Variants in GLRX3 observed in about 807,000 individuals in gnomAD.
GLRX3 encodes glutaredoxin-3.
GLRX3 carries 22 observed loss-of-function variants against 49.5 expected under a neutral mutation model. The ratio of observed to expected loss-of-function variants is 0.44; its 90% confidence interval spans 0.32 to 0.63. The LOEUF is 0.63. Among genes scored for constraint, GLRX3 ranks in the 30% least tolerant of loss-of-function variants. GLRX3 has a pLI of 0.05. For synonymous variants in GLRX3, 133 were observed against 140.0 expected (o/e 0.95, Z 0.35); for missense variants, 385 against 396.3 (o/e 0.97, Z 0.24).
chr10:130,137,824 T>C (rs1862092183), intron 1 of GLRX3, among the ~76,000 whole-genome samples: 1 of 152,014 alleles, frequency 6.6e-6, no homozygotes, highest in Non-Finnish European at 1.5e-5. Flanking sequence ...AGCCTCCGCC[T>C]CCCAGGCTCA....
At chr10:130,169,042 C>T (rs182069579) in intron 6 of GLRX3, among the ~76,000 whole-genome samples, 8 of 152,258 alleles carry the variant, frequency 5.3e-5, no homozygotes, top group Admixed American at 5.2e-4. Flanking sequence ...GAGCTTTACA[C>T]GTGTACAGTG....
In GLRX3 at chr10:130,169,513, T is replaced by C. The variant is rs1277268247; in HGVS notation, c.771+23T>C. The C allele has an allele frequency of 5.4e-6, 8 of 1,482,242 alleles. No homozygotes were observed. In the Admixed American group the frequency reaches 1.2e-4, roughly 22 times the overall value. 91.8% of individuals were successfully genotyped at this position (1,482,242 alleles called of 1,614,324 possible). A position where few individuals can be genotyped will look rare whatever the true frequency, so the allele number is the denominator to read the frequency against. On this transcript the variant is annotated intron_variant, in intron 7 of 10. Transcript: ENST00000331244. The stretch of plus-strand genomic sequence containing the variant: ...CAGGTAAAGAACTCAAAAATGGTTT[T>C]ATTTGTAATTTCTTTTGATGTTAAC...
At chr10:130,167,289 A>G (rs1336089098) in intron 6 of GLRX3, among the ~76,000 whole-genome samples, 1 of 152,168 alleles carries the variant, frequency 6.6e-6, no homozygotes, top group Non-Finnish European at 1.5e-5. Context: ...TTGTTTTGTC[A>G]CTGCTCCTTG....
intron 1 of GLRX3, among the ~76,000 whole-genome samples, chr10:130,141,741 T>C (rs1301710705): frequency 6.6e-6 from 1 of 152,208 alleles, no homozygotes; most frequent in Non-Finnish European, 1.5e-5. Flanking sequence ...TTTTGATTTA[T>C]TATGTATAGG....
chr10:130,160,769 T>C, intron 3 of GLRX3, 27 bp from the exon 4 acceptor site: 1 of 1,187,036 alleles, frequency 8.4e-7, no homozygotes, highest in Non-Finnish European at 1.3e-6. Flanking sequence ...ATGCTGCATG[T>C]ATTCTAAATA....
intron 2 of GLRX3, among the ~76,000 whole-genome samples, chr10:130,157,854 A>C (rs1862506463): frequency 6.6e-6 from 1 of 152,206 alleles, no homozygotes; most frequent in Non-Finnish European, 1.5e-5. Context: ...TTCTGAATGC[A>C]GATCCTTTAA....
At chr10:130,143,858 C>T (rs745691717) in intron 1 of GLRX3, among the ~76,000 whole-genome samples, 7 of 152,000 alleles carry the variant, frequency 4.6e-5, no homozygotes, top group African/African-American at 7.2e-5. Flanking sequence ...CCAACACACC[C>T]GGCTAATTTT....
chr10:130,159,324 A>G (rs1013128944), intron 2 of GLRX3, among the ~76,000 whole-genome samples: 1 of 152,230 alleles, frequency 6.6e-6, no homozygotes, highest in African/African-American at 2.4e-5. Context: ...AAATTCATGC[A>G]TCAGATATCA....
intron 2 of GLRX3, among the ~76,000 whole-genome samples, chr10:130,146,830 A>C (rs183250743): frequency 6.6e-6 from 1 of 152,392 alleles, no homozygotes; most frequent in Admixed American, 6.5e-5. Flanking sequence ...CTGAAAACAC[A>C]GAATTTTGAC....
At chr10:130,145,109 C>A in intron 1 of GLRX3, 102 bp from the exon 2 acceptor site, 1 of 522,766 alleles carries the variant, frequency 1.9e-6, no homozygotes. Flanking sequence ...TCAGACGGTT[C>A]TTTTAAAGCT....
downstream of GLRX3, chr10:130,179,813 C>T (rs1862991492): frequency 4.5e-5 from 8 of 176,598 alleles, no homozygotes; most frequent in Admixed American, 5.2e-4. Flanking sequence ...GCTCCCCTCG[C>T]TGGTGAAAGA....
intron 2 of GLRX3, among the ~76,000 whole-genome samples, chr10:130,157,778 C>T (rs759874837): frequency 2.6e-5 from 4 of 152,110 alleles, no homozygotes; most frequent in Non-Finnish European, 5.9e-5. Flanking sequence ...TTAAGGCCTT[C>T]TCATGGTTTA....
chr10:130,178,311 A>G (rs77165356), intron 10 of GLRX3, among the ~76,000 whole-genome samples: 2,784 of 151,698 alleles, frequency 0.018, 62 homozygotes, highest in East Asian at 0.1. Context: ...GCAGTGGTGC[A>G]ATCTTGGCTC....
chr10:130,172,203 A>G (rs1452555184), intron 8 of GLRX3, among the ~76,000 whole-genome samples: 1 of 152,206 alleles, frequency 6.6e-6, no homozygotes, highest in African/African-American at 2.4e-5. Context: ...GAAAATGTAT[A>G]ACTGAGTCCT....
rs144018843 is a variant in GLRX3, at chr10:130,148,361, G to T, written c.201+3042G>T. ...GCTCAGGCTGGTCTTGAACTCATGG[G>T]CTCAAGCAGTCTGCCTACCTTGGCC... On this transcript the variant is annotated intron_variant, in intron 2 of 10. Coordinates refer to ENST00000331244, the MANE Select transcript of GLRX3 (RefSeq NM_006541.5). Among the ~76,000 whole-genome samples the T allele has an allele frequency of 5.5e-3, 829 of 150,338 alleles. 9 individuals carry two copies. Among genetic ancestry groups the T allele is most frequent in the African/African-American group, 0.019 (772 of 40,856 alleles).
chr10:130,136,670 G>A (rs923895452), intron 1 of GLRX3, among the ~76,000 whole-genome samples, 158 bp downstream of exon 1: 2 of 152,152 alleles, frequency 1.3e-5, no homozygotes, highest in Admixed American at 6.5e-5. Flanking sequence ...AGACTCCCCC[G>A]AGCCTCCGCG....
intron 2 of GLRX3, among the ~76,000 whole-genome samples, chr10:130,158,301 C>T (rs1299394507): frequency 6.6e-6 from 1 of 152,014 alleles, no homozygotes; most frequent in Non-Finnish European, 1.5e-5. Flanking sequence ...CAACCTCTGC[C>T]TCCCGGGTTC....
At chr10:130,146,171 G>T (rs1862267182) in intron 2 of GLRX3, among the ~76,000 whole-genome samples, 1 of 152,204 alleles carries the variant, frequency 6.6e-6, no homozygotes, top group Non-Finnish European at 1.5e-5. Context: ...TGGAGTTTTG[G>T]AGAGCACAGG....
Position 130,160,770 on chromosome 10 carries a change from A to G in GLRX3, c.277-26A>G. 2.3e-6 allele frequency: 3 copies of G among 1,287,600 alleles called. No homozygotes were observed. The African/African-American group carries it at 4.4e-5, about 19-fold the overall frequency. 79.8% of individuals were successfully genotyped at this position (1,287,600 alleles called of 1,614,324 possible). On this transcript the variant is annotated intron_variant, in intron 3 of 10. Coordinates refer to ENST00000331244, the MANE Select transcript of GLRX3 (RefSeq NM_006541.5). ...GTCATTATTATGGAATGCTGCATGT[A>G]TTCTAAATAACTTTTTAAACTTTAG...
Sources: gnomAD v4.1 joint callset for allele counts (sites outside exome capture counted in the v4.1 genomes callset) on GRCh38, gnomAD v4.1.1 for gene constraint, MANE v1.5 for transcripts, NCBI Gene and HGNC (gene_info 2026-07-23, HGNC 2026-07-21) for gene names.